The following ZNF138 variants were observed in gnomAD, a reference collection of about 807,000 sequenced individuals.
The protein encoded by ZNF138 is zinc finger protein 138.
Under a neutral mutation model 33.0 loss-of-function variants are expected in ZNF138, and 33 were observed. That is an observed-to-expected ratio of 1.00 (90% CI 0.76 to 1.34). The LOEUF (loss-of-function observed/expected upper bound fraction) is 1.34, where lower values mean the gene tolerates loss of function less well. Among genes scored for constraint, ZNF138 ranks in the 40% most tolerant of loss-of-function variants. The pLI, the probability that ZNF138 is intolerant of heterozygous loss-of-function variation, is 0.00. For missense variants in ZNF138, 360 were observed against 370.8 expected, an observed-to-expected ratio of 0.97 and a Z score of 0.24; for synonymous variants, 139 against 120.4, an observed-to-expected ratio of 1.15 and a Z score of -1.01.
At chr7:64,808,131 A>G (rs572410396) in intron 1 of ZNF138, among the ~76,000 whole-genome samples, 45 of 152,282 alleles carry the variant, frequency 3.0e-4, no homozygotes, top group Admixed American at 2.5e-3. Context: ...GAGACATTTG[A>G]GGATGTCCAG....
chr7:64,794,706 C>T (rs1437089289), intron 1 of ZNF138, 135 bp downstream of exon 1: 3 of 1,327,056 alleles, frequency 2.3e-6, no homozygotes, highest in Non-Finnish European at 3.2e-6. Context: ...TGGCACAGCT[C>T]GGCCCTCAGT....
chr7:64,796,343 G>A (rs1786687831), intron 1 of ZNF138, among the ~76,000 whole-genome samples: 1 of 152,194 alleles, frequency 6.6e-6, no homozygotes, highest in African/African-American at 2.4e-5. Flanking sequence ...AGGATGGGGT[G>A]GGAGAATCTC....
At chr7:64,846,905 G>A in the ZNF138 span, among the ~76,000 whole-genome samples, 1 of 152,158 alleles carries the variant, frequency 6.6e-6, no homozygotes, top group African/African-American at 2.4e-5. Context: ...ATTTGTCATA[G>A]ATGGCTTTTA....
At chr7:64,857,887 G>A in the ZNF138 span, among the ~76,000 whole-genome samples, 2 of 151,926 alleles carry the variant, frequency 1.3e-5, no homozygotes, top group African/African-American at 4.8e-5. Context: ...AGCAAAGGAG[G>A]GTGATATAAA....
chr7:64,811,928 A>G (rs58696475), intron 1 of ZNF138, among the ~76,000 whole-genome samples: 2,442 of 152,262 alleles, frequency 0.016, 63 homozygotes, highest in African/African-American at 0.055. Context: ...TGATGTATAA[A>G]CTCATTAAAG....
At chr7:64,834,748 T>G (rs1790312833), downstream of ZNF138, among the ~76,000 whole-genome samples, 1 of 152,156 alleles carries the variant, frequency 6.6e-6, no homozygotes, top group African/African-American at 2.4e-5. Context: ...AGGCTCTTTG[T>G]GTTTAATTTA....
chr7:64,853,304 G>A, the ZNF138 span: 2 of 1,611,080 alleles, frequency 1.2e-6, no homozygotes, highest in East Asian at 2.2e-5. Context: ...TTAGCCGGAA[G>A]CTTTTGTCCA....
downstream of ZNF138, among the ~76,000 whole-genome samples, chr7:64,838,019 G>A (rs1480872375): frequency 6.6e-6 from 1 of 152,138 alleles, no homozygotes; most frequent in Non-Finnish European, 1.5e-5. Flanking sequence ...CAGAGATTGA[G>A]GAGGGGCGGC....
chr7:64,853,070 TAA>T, the ZNF138 span: 10 of 1,437,772 alleles, frequency 7.0e-6, no homozygotes, highest in Non-Finnish European at 8.8e-6. Context: ...GCCTGTCACG[TAA>T]GAGTCGTCTA....
the ZNF138 span, among the ~76,000 whole-genome samples, chr7:64,847,574 TG>T: frequency 6.6e-6 from 1 of 152,052 alleles, no homozygotes; most frequent in Admixed American, 6.6e-5. Context: ...GACATTTTTC[TG>T]TTGAACAAGG....
the ZNF138 span, among the ~76,000 whole-genome samples, chr7:64,854,047 AT>A: frequency 6.8e-6 from 1 of 147,106 alleles, no homozygotes; most frequent in East Asian, 2.0e-4. Flanking sequence ...AAAAAAAAAA[AT>A]AATTATTTTC....
chr7:64,827,643 T>G, intron 3 of ZNF138, among the ~76,000 whole-genome samples: 1 of 146,616 alleles, frequency 6.8e-6, no homozygotes, highest in African/African-American at 2.8e-5. Flanking sequence ...ATTAGTTAGA[T>G]TTTTTTTATT....
At position 64,832,438 on chromosome 7, in the gene ZNF138, C is replaced by T; in HGVS notation, c.*236C>T. ...TACAAATGTAAAGAATGTGGAAAAG[C>T]TTTTCACCGATACTCAATCCTTAGT... On this transcript the variant is annotated 3_prime_UTR_variant, in exon 4 of 4. Transcript: ENST00000307355. 6.9e-7 allele frequency: 1 copy of T among 1,449,914 alleles called. No homozygotes were observed. The highest frequency in any genetic ancestry group is 1.4e-5 in the African/African-American group (1 of 70,306). The allele number at this position is 1,449,914 out of a possible 1,614,324, so 89.8% of individuals were successfully genotyped here.
At chr7:64,844,511 G>A in the ZNF138 span, among the ~76,000 whole-genome samples, 1 of 152,188 alleles carries the variant, frequency 6.6e-6, no homozygotes, top group African/African-American at 2.4e-5. Flanking sequence ...TGTGAGATTG[G>A]CACTGTCTAC....
At chr7:64,803,439 C>T (rs1399320175) in intron 1 of ZNF138, among the ~76,000 whole-genome samples, 1 of 152,040 alleles carries the variant, frequency 6.6e-6, no homozygotes, top group Non-Finnish European at 1.5e-5. Context: ...AACAGATTAT[C>T]CAAGGTAATT....
intron 1 of ZNF138, among the ~76,000 whole-genome samples, chr7:64,805,411 C>CAAAACAA (rs71061310): frequency 0.55 from 69,395 of 126,528 alleles, 16,533 homozygotes; most frequent in Middle Eastern, 0.58. Flanking sequence ...AAAAACAAAA[C>CAAAACAA]AAAAAAAAAA....
chr7:64,795,439 C>G (rs1190064167), intron 1 of ZNF138, among the ~76,000 whole-genome samples: 1 of 152,156 alleles, frequency 6.6e-6, no homozygotes, highest in Non-Finnish European at 1.5e-5. Context: ...CTCTGGCTTG[C>G]AGTAAAATAC....
the ZNF138 span, among the ~76,000 whole-genome samples, chr7:64,847,341 T>A: frequency 2.2e-4 from 32 of 146,360 alleles, no homozygotes; most frequent in African/African-American, 7.7e-4. Flanking sequence ...TATTTTTTTT[T>A]TTTTTTTCTG....
rs1789494259 is a variant in ZNF138, at chr7:64,825,278, T to C, written c.209-6173T>C. ...AGCTCTGCCTCCCGGGTTCACGCCATTCTTCTGCCTCAGCCTCCCAAGTAG... is the reference window on the plus strand; with the variant it reads ...AGCTCTGCCTCCCGGGTTCACGCCACTCTTCTGCCTCAGCCTCCCAAGTAG... On this transcript the variant is annotated intron_variant, in intron 3 of 3. Transcript: ENST00000307355. Among the ~76,000 whole-genome samples, 3 of 141,388 alleles carry C rather than the reference T, an allele frequency of 2.1e-5. No individual in the cohort carries two copies. The East Asian group carries it at 7.1e-4, about 34-fold the overall frequency. 92.8% of individuals were successfully genotyped at this position (141,388 alleles called of 152,430 possible). A position where few individuals can be genotyped will look rare whatever the true frequency, so the allele number is the denominator to read the frequency against.
Sources: gnomAD v4.1 joint callset for allele counts (sites outside exome capture counted in the v4.1 genomes callset) on GRCh38, gnomAD v4.1.1 for gene constraint, MANE v1.5 for transcripts, NCBI Gene and HGNC (gene_info 2026-07-23, HGNC 2026-07-21) for gene names.